Variants in RFTN1 observed in about 807,000 individuals in gnomAD.
RFTN1 encodes raftlin, lipid raft linker 1.
A neutral mutation model predicts 46.5 loss-of-function variants in RFTN1; 26 were observed. The observed-to-expected ratio is 0.56, with a 90% CI of 0.41 to 0.78. RFTN1 has a LOEUF of 0.78. Ranked by LOEUF, RFTN1 falls within the 30% of genes least tolerant of loss-of-function variation. The probability of loss-of-function intolerance (pLI) is 0.00; values close to 1 mark genes in which losing one functional copy is unlikely to be tolerated. For synonymous variants in RFTN1, 261 were observed against 284.2 expected (o/e 0.92, Z 0.82); for missense variants, 693 against 718.7 (o/e 0.96, Z 0.41).
chr3:16,391,000 CTT>C (rs2074330958), intron 4 of RFTN1, among the ~76,000 whole-genome samples: 1 of 151,878 alleles, frequency 6.6e-6, no homozygotes, highest in South Asian at 2.1e-4. Context: ...TCTGAAGAAT[CTT>C]TCTTTCTAAC....
Position 16,479,350 on chromosome 3 carries a change from A to G in RFTN1, c.145+14375T>C, listed in dbSNP as rs1575349928. Among the ~76,000 whole-genome samples, 2 of 152,234 alleles carry G rather than the reference A, an allele frequency of 1.3e-5. No individual in the cohort carries two copies. Among genetic ancestry groups the G allele is most frequent in the Non-Finnish European group, 2.9e-5 (2 of 68,040 alleles). Reference sequence around the variant, plus strand: ...GGCTAATTCATTAAATGAAGTCCACAATAAGAAACTACTTATAGACATGAG... The same window carrying G: ...GGCTAATTCATTAAATGAAGTCCACGATAAGAAACTACTTATAGACATGAG... On this transcript the variant is annotated intron_variant, in intron 2 of 9. Coordinates refer to ENST00000334133, the MANE Select transcript of RFTN1 (RefSeq NM_015150.2). The surrounding 1 kb of genome is among the most constrained non-coding windows in gnomAD (Gnocchi z 5.1).
chr3:16,510,777 A>G (rs1454422449), intron 1 of RFTN1, among the ~76,000 whole-genome samples: 1 of 152,218 alleles, frequency 6.6e-6, no homozygotes, highest in Non-Finnish European at 1.5e-5. Context: ...CTAGGTGTTT[A>G]CCCATGAGAA....
intron 2 of RFTN1, chr3:16,482,971 A>G: frequency 3.0e-6 from 2 of 670,816 alleles, no homozygotes; most frequent in South Asian, 1.9e-5. Context: ...AGGGCTGCTT[A>G]GAGCCTCCCT....
chr3:16,418,911 G>C lies in RFTN1; in HGVS notation c.333-9428C>G, dbSNP rs547421096. 1.2e-3 allele frequency among the ~76,000 whole-genome samples: 182 copies of C among 152,260 alleles called. 1 individual carries two copies. Among genetic ancestry groups the C allele is most frequent in the African/African-American group, 4.2e-3 (173 of 41,560 alleles). ...TAGATCCTGCCCTCAAGTCTAGATA[G>C]ACTGTGTATAAACAGAAGTGCTATG... On this transcript the variant is annotated intron_variant, in intron 3 of 9. Coordinates refer to ENST00000334133, the MANE Select transcript of RFTN1 (RefSeq NM_015150.2). The surrounding 1 kb of genome is among the most constrained non-coding windows in gnomAD (Gnocchi z 5.0).
chr3:16,415,426 TATATAC>T (rs1479167726), intron 3 of RFTN1, among the ~76,000 whole-genome samples: 3 of 90,178 alleles, frequency 3.3e-5, no homozygotes, highest in Admixed American at 2.6e-4. Flanking sequence ...TATATATATA[TATATAC>T]ACACACACAC....
At chr3:16,390,269 T>G (rs1030394700) in intron 4 of RFTN1, among the ~76,000 whole-genome samples, 2 of 152,228 alleles carry the variant, frequency 1.3e-5, no homozygotes, top group East Asian at 3.8e-4. Flanking sequence ...ACTGCAATGA[T>G]TTTGTAAAGT....
chr3:16,434,299 G>A (rs938168040), intron 2 of RFTN1, among the ~76,000 whole-genome samples: 2 of 152,086 alleles, frequency 1.3e-5, no homozygotes, highest in Non-Finnish European at 2.9e-5. Flanking sequence ...CGAGGCAGAT[G>A]GATCGCTTGA....
At chr3:16,505,792 G>A (rs758979921) in intron 1 of RFTN1, among the ~76,000 whole-genome samples, 12 of 152,122 alleles carry the variant, frequency 7.9e-5, no homozygotes, top group East Asian at 1.9e-4. Flanking sequence ...ACTAGGCACC[G>A]TAGCCTAGGA....
chr3:16,439,967 G>T (rs1344923224), intron 2 of RFTN1, among the ~76,000 whole-genome samples: 1 of 152,140 alleles, frequency 6.6e-6, no homozygotes, highest in Non-Finnish European at 1.5e-5. Context: ...TAGTTACTTT[G>T]GCTTCCTGGC....
At chr3:16,431,664 T>C (rs2075391388) in intron 3 of RFTN1, among the ~76,000 whole-genome samples, 1 of 152,314 alleles carries the variant, frequency 6.6e-6, no homozygotes, top group Non-Finnish European at 1.5e-5. Flanking sequence ...ATCTGCAGAA[T>C]AGAATCCCTG....
At chr3:16,488,179 C>T (rs1240739018) in intron 2 of RFTN1, among the ~76,000 whole-genome samples, 2 of 151,426 alleles carry the variant, frequency 1.3e-5, no homozygotes, top group Non-Finnish European at 1.5e-5. Context: ...CTCAGCTCAC[C>T]GCAACCTCTA....
In RFTN1 at chr3:16,433,185, TA is replaced by T. The variant is rs1553595285; in HGVS notation, c.332+665del. On this transcript the variant is annotated intron_variant, in intron 3 of 9. Coordinates refer to ENST00000334133, the MANE Select transcript of RFTN1 (RefSeq NM_015150.2). The surrounding 1 kb of genome is among the most constrained non-coding windows in gnomAD (Gnocchi z 4.4). The stretch of plus-strand genomic sequence containing the variant: ...TCCCATCCTCACTGTTTTTTTTTTT[TA>T]AAAAAATTAATATTGTTCCTTTTGA... 4.7e-5 allele frequency among the ~76,000 whole-genome samples: 7 copies of T among 150,150 alleles called. No homozygotes were observed. Among genetic ancestry groups the T allele is most frequent in the Admixed American group, 6.6e-5 (1 of 15,066 alleles).
At chr3:16,491,438 G>A (rs1301769430) in intron 2 of RFTN1, among the ~76,000 whole-genome samples, 1 of 152,214 alleles carries the variant, frequency 6.6e-6, no homozygotes, top group Non-Finnish European at 1.5e-5. Flanking sequence ...GAGGACGAGG[G>A]CAGGAGCAGG....
Position 16,400,273 on chromosome 3 carries a change from T to C in RFTN1, c.441+9102A>G, listed in dbSNP as rs2074569476. ...AAACCAAACTTACTCCCTCCCACCT[T>C]GGCTTTGTCTGAGCTGCTCCAGGAG... On this transcript the variant is annotated intron_variant, in intron 4 of 9. Transcript: ENST00000334133. This position sits in a 1 kb window ranked among gnomAD's most constrained non-coding sequence, Gnocchi z 4.5. 6.6e-6 allele frequency among the ~76,000 whole-genome samples: 1 copy of C among 152,108 alleles called. No homozygotes were observed. Among genetic ancestry groups the C allele is most frequent in the Non-Finnish European group, 1.5e-5 (1 of 68,002 alleles).
Position 16,327,952 on chromosome 3 carries a change from C to A in RFTN1, c.1147-1076G>T, listed in dbSNP as rs2069898279. 1.3e-5 allele frequency among the ~76,000 whole-genome samples: 2 copies of A among 152,218 alleles called. No homozygotes were observed. Among genetic ancestry groups the A allele is most frequent in the Non-Finnish European group, 2.9e-5 (2 of 68,042 alleles). On this transcript the variant is annotated intron_variant, in intron 7 of 9. Transcript: ENST00000334133. The surrounding 1 kb of genome is among the most constrained non-coding windows in gnomAD (Gnocchi z 4.2). ...CCCTGCTCTGTGTGTAACTGGACTCCTCATCCCTCATAGTTTGGCTTCTTG... is the reference window on the plus strand; with the variant it reads ...CCCTGCTCTGTGTGTAACTGGACTCATCATCCCTCATAGTTTGGCTTCTTG...
In RFTN1 at chr3:16,473,402, C is replaced by CA. The variant is rs1559364896; in HGVS notation, c.145+20322_145+20323insT. 6.9e-6 allele frequency among the ~76,000 whole-genome samples: 1 copy of CA among 144,784 alleles called. No individual in the cohort carries two copies. Among genetic ancestry groups the CA allele is most frequent in the East Asian group, 2.0e-4 (1 of 5,000 alleles). The allele number at this position is 144,784 out of a possible 152,430, so 95.0% of individuals were successfully genotyped here. A position where few individuals can be genotyped will look rare whatever the true frequency, so the allele number is the denominator to read the frequency against. ...AAATACTCTGTTTTCTTTCTTTTTT[C>CA]TTTTTTTTTTTTTCCTGAGATAGAG... On this transcript the variant is annotated intron_variant, in intron 2 of 9. Transcript: ENST00000334133. This position sits in a 1 kb window ranked among gnomAD's most constrained non-coding sequence, Gnocchi z 5.3.
intron 2 of RFTN1, among the ~76,000 whole-genome samples, chr3:16,470,260 A>AAAAAC (rs1405754901): frequency 5.3e-5 from 8 of 152,158 alleles, no homozygotes; most frequent in East Asian, 3.8e-4. Context: ...ATACAGACAT[A>AAAAAC]AAAACAAAAC....
In RFTN1 at chr3:16,479,671, T is replaced by C. The variant is rs1305124909; in HGVS notation, c.145+14054A>G. ...CATCTTTGATGCATCTATTAAGGCCTTAAAAGTTCAGCCTGTTGGCATCAG... is the reference window on the plus strand; with the variant it reads ...CATCTTTGATGCATCTATTAAGGCCCTAAAAGTTCAGCCTGTTGGCATCAG... On this transcript the variant is annotated intron_variant, in intron 2 of 9. Transcript: ENST00000334133. This position sits in a 1 kb window ranked among gnomAD's most constrained non-coding sequence, Gnocchi z 5.1. Among the ~76,000 whole-genome samples the C allele has an allele frequency of 6.6e-6, 1 of 152,216 alleles. No homozygotes were observed.
chr3:16,391,894 G>GTTTTTTTTTTTTTTTGT (rs147487784), intron 4 of RFTN1, among the ~76,000 whole-genome samples: 1 of 33,052 alleles, frequency 3.0e-5, no homozygotes, highest in African/African-American at 6.5e-5. Context: ...TTTTTTTTTT[G>GTTTTTTTTTTTTTTTGT]TTTTTTTTAC....
Sources: gnomAD v4.1 joint callset for allele counts (sites outside exome capture counted in the v4.1 genomes callset) on GRCh38, gnomAD v4.1.1 for gene constraint, Gnocchi (gnomAD v3.1) non-coding constraint, MANE v1.5 for transcripts, NCBI Gene and HGNC (gene_info 2026-07-23, HGNC 2026-07-21) for gene names.